The following MAP3K13 variants were observed in gnomAD, a reference collection of about 807,000 sequenced individuals.
The protein encoded by MAP3K13 is mitogen-activated protein kinase kinase kinase 13.
MAP3K13 carries 52 observed loss-of-function variants against 104.0 expected under a neutral mutation model. That is an observed-to-expected ratio of 0.50 (90% CI 0.40 to 0.63). MAP3K13 has a LOEUF of 0.63. Ranked by LOEUF, MAP3K13 falls within the 20% of genes least tolerant of loss-of-function variation. The pLI is 0.00. For synonymous variants in MAP3K13, 394 were observed against 442.2 expected, an observed-to-expected ratio of 0.89 and a Z score of 1.37; for missense variants, 914 against 1,218.5, an observed-to-expected ratio of 0.75 and a Z score of 3.72.
rs1298181492 is a variant in MAP3K13 at position 185,394,546 on chromosome 3, C to T, written c.-86+31178C>T. 9.9e-5 allele frequency among the ~76,000 whole-genome samples: 15 copies of T among 152,270 alleles called. No individual in the cohort carries two copies. In the East Asian group the frequency reaches 2.9e-3, roughly 29 times the overall value. ...GATTATGGCCTAAAGAGTTCAAGGG[C>T]TTACCCCAGATCATATAGCTACATA... On this transcript the variant is annotated intron_variant, in intron 1 of 13. Coordinates refer to ENST00000265026, the MANE Select transcript of MAP3K13 (RefSeq NM_004721.5).
At chr3:185,466,284 T>C (rs1231760588) in intron 9 of MAP3K13, among the ~76,000 whole-genome samples, 1 of 152,136 alleles carries the variant, frequency 6.6e-6, no homozygotes, top group Non-Finnish European at 1.5e-5. Flanking sequence ...TTGTATTATG[T>C]TGGGGAAATG....
At chr3:185,307,536 G>T (rs1721325677) in intron 2 of MAP3K13, among the ~76,000 whole-genome samples, 1 of 49,414 alleles carries the variant, frequency 2.0e-5, no homozygotes, top group African/African-American at 7.1e-5. Flanking sequence ...TCCATTTGGT[G>T]CACCACCCCC....
chr3:185,480,666 A>G (rs1718395223), intron 13 of MAP3K13, 137 bp downstream of exon 13: 1 of 870,818 alleles, frequency 1.1e-6, no homozygotes, highest in African/African-American at 1.7e-5. Context: ...TCACACTGCT[A>G]TAAAGAACTA....
In MAP3K13 at chr3:185,454,745, CAT is replaced by C. The variant is rs1334697364; in HGVS notation, c.1278+3357_1278+3358del. 4.0e-4 allele frequency among the ~76,000 whole-genome samples: 5 copies of C among 12,424 alleles called. 1 individual carries two copies. Among genetic ancestry groups the C allele is most frequent in the African/African-American group, 6.2e-4 (4 of 6,424 alleles). 8.2% of individuals were successfully genotyped at this position (12,424 alleles called of 152,430 possible). A position where few individuals can be genotyped will look rare whatever the true frequency, so the allele number is the denominator to read the frequency against. On this transcript the variant is annotated intron_variant, in intron 7 of 13. Transcript: ENST00000265026. ...TATATGATATATATGATATATATATCATATATATGAGATATATATGACATATA... is the reference window on the plus strand; with the variant it reads ...TATATGATATATATGATATATATATCATATATGAGATATATATGACATATA...
intron 1 of MAP3K13, among the ~76,000 whole-genome samples, chr3:185,398,105 T>C (rs1386545931): frequency 3.3e-5 from 5 of 151,976 alleles, no homozygotes; most frequent in Non-Finnish European, 7.4e-5. Flanking sequence ...TGGGAGGGTT[T>C]TGAGGTATTG....
At chr3:185,402,776 G>C (rs1260702101) in intron 1 of MAP3K13, among the ~76,000 whole-genome samples, 2 of 152,168 alleles carry the variant, frequency 1.3e-5, no homozygotes, top group Non-Finnish European at 2.9e-5. Flanking sequence ...ATAGGAAAGA[G>C]AGGGAGGAAC....
At chr3:185,385,470 G>A (rs934820046) in intron 1 of MAP3K13, among the ~76,000 whole-genome samples, 2 of 152,114 alleles carry the variant, frequency 1.3e-5, no homozygotes, top group African/African-American at 4.8e-5. Flanking sequence ...ACCATGCCTG[G>A]CTGAATTCTA....
chr3:185,392,611 G>T (rs6777575), intron 1 of MAP3K13, among the ~76,000 whole-genome samples: 97,130 of 152,050 alleles, frequency 0.64, 31,481 homozygotes, highest in Non-Finnish European at 0.7. Flanking sequence ...GGCCTAGAGG[G>T]CTGCACTTTG....
chr3:185,426,923 GTCTT>G (rs1714454582), intron 1 of MAP3K13, among the ~76,000 whole-genome samples: 2 of 151,950 alleles, frequency 1.3e-5, no homozygotes, highest in African/African-American at 4.8e-5. Flanking sequence ...TTTTTTGTTG[GTCTT>G]TCTTTTACCC....
chr3:185,436,974 C>G (rs1715061387), intron 2 of MAP3K13, among the ~76,000 whole-genome samples: 1 of 123,772 alleles, frequency 8.1e-6, no homozygotes, highest in Non-Finnish European at 1.6e-5. Flanking sequence ...GCACTCCAGC[C>G]TGGGTGACAG....
rs766476350 is a variant in MAP3K13, at chr3:185,465,710, T to C, written c.1389-37T>C. The C allele has an allele frequency of 6.2e-6, 9 of 1,449,952 alleles. No homozygotes were observed. In the Admixed American group the frequency reaches 1.3e-4, roughly 22 times the overall value. 89.8% of individuals were successfully genotyped at this position (1,449,952 alleles called of 1,614,324 possible). Reference sequence around the variant, plus strand: ...TCAAGCGGACTTTTTTCTCCCGAAGTTGGTTGGCTGGGCTGACCCTGTGTT... The same window carrying C: ...TCAAGCGGACTTTTTTCTCCCGAAGCTGGTTGGCTGGGCTGACCCTGTGTT... On this transcript the variant is annotated intron_variant, in intron 8 of 13. Coordinates refer to ENST00000265026, the MANE Select transcript of MAP3K13 (RefSeq NM_004721.5).
intron 7 of MAP3K13, among the ~76,000 whole-genome samples, chr3:185,459,089 T>C (rs1015445452): frequency 6.6e-6 from 1 of 152,180 alleles, no homozygotes; most frequent in Non-Finnish European, 1.5e-5. Flanking sequence ...ATCATTCTAG[T>C]GTTCTCTTGA....
At chr3:185,406,358 T>C (rs184969231) in intron 1 of MAP3K13, among the ~76,000 whole-genome samples, 47 of 152,354 alleles carry the variant, frequency 3.1e-4, no homozygotes, top group Admixed American at 1.3e-3. Flanking sequence ...TTTAGAAGTA[T>C]GCTAAGTGCA....
At chr3:185,323,384 C>T (rs572405767) in intron 2 of MAP3K13, among the ~76,000 whole-genome samples, 109 of 149,084 alleles carry the variant, frequency 7.3e-4, no homozygotes, top group Non-Finnish European at 8.9e-5. Flanking sequence ...TTGCCCAGGC[C>T]GGAGTGCAAT....
In MAP3K13 at chr3:185,290,138, A is replaced by G. The variant is rs542339741; in HGVS notation, c.-86+4495A>G. ...ATCTTGAATAACGTTTTTTTTGGCT[A>G]TTCAAGTAGAGCAAGAACAAACTTA... On this transcript the variant is annotated intron_variant, in intron 2 of 14. Transcript: ENST00000424227. Among the ~76,000 whole-genome samples the G allele has an allele frequency of 2.0e-5, 3 of 152,248 alleles. No homozygotes were observed. In the South Asian group the frequency reaches 6.2e-4, roughly 32 times the overall value.
chr3:185,443,713 C>A, intron 4 of MAP3K13, 77 bp downstream of exon 4: 1 of 1,198,732 alleles, frequency 8.3e-7, no homozygotes, highest in Non-Finnish European at 1.2e-6. Context: ...CCTCAGTTGA[C>A]GTTTTCAGAC....
chr3:185,471,628 T>A (rs1717797410), intron 10 of MAP3K13, among the ~76,000 whole-genome samples: 1 of 151,614 alleles, frequency 6.6e-6, no homozygotes, highest in Non-Finnish European at 1.5e-5. Flanking sequence ...CCTGGCTAAT[T>A]TTTATATTTC....
chr3:185,302,140 C>T (rs1420265545), intron 2 of MAP3K13, among the ~76,000 whole-genome samples: 1 of 151,934 alleles, frequency 6.6e-6, no homozygotes, highest in African/African-American at 2.4e-5. Flanking sequence ...CAGTGGCTTA[C>T]GCCTGTAATC....
chr3:185,319,203 T>C (rs1577419814), intron 2 of MAP3K13, among the ~76,000 whole-genome samples: 1 of 152,200 alleles, frequency 6.6e-6, no homozygotes, highest in Non-Finnish European at 1.5e-5. Flanking sequence ...TTCACTGCTG[T>C]ATAATGTAGC....
Sources: allele counts gnomAD v4.1 joint callset (sites outside exome capture counted in the v4.1 genomes callset), GRCh38; gene constraint gnomAD v4.1.1; transcripts MANE v1.5; gene names NCBI Gene and HGNC (gene_info 2026-07-23, HGNC 2026-07-21).